Variants in SNX29 observed in about 807,000 individuals in gnomAD.
SNX29 encodes sorting nexin 29.
Under a neutral mutation model 102.1 loss-of-function variants are expected in SNX29, and 78 were observed. The ratio of observed to expected loss-of-function variants is 0.76; its 90% CI spans 0.64 to 0.92. SNX29 has a LOEUF of 0.92. SNX29 is among the 40% of genes least tolerant of loss of function. The probability of loss-of-function intolerance (pLI) is 0.00; values close to 1 mark genes in which losing one functional copy is unlikely to be tolerated. For synonymous variants in SNX29, 580 were observed against 414.5 expected (o/e 1.40, Z -4.85); for missense variants, 1,280 against 1,061.7 (o/e 1.21, Z -2.86).
chr16:12,005,441 C>G (rs543196681), intron 3 of SNX29, among the ~76,000 whole-genome samples: 1 of 152,118 alleles, frequency 6.6e-6, no homozygotes, highest in African/African-American at 2.4e-5. Context: ...ACAGGACTCC[C>G]AGGTGATTCT....
At chr16:12,346,372 C>G (rs1415967424) in intron 15 of SNX29, among the ~76,000 whole-genome samples, 1 of 152,130 alleles carries the variant, frequency 6.6e-6, no homozygotes. Flanking sequence ...GCACCTCTTT[C>G]TTTTATTATT....
Position 12,266,686 on chromosome 16 carries a change from G to GAA in SNX29, c.1679-11232_1679-11231dup, listed in dbSNP as rs59509183. On this transcript the variant is annotated intron_variant, in intron 14 of 20. Transcript: ENST00000566228. ...CATCTGCAATTCCCCATCTATTATT[G>GAA]AAAAAAAAAAAAAAAAGAATATCCC... is the stretch of plus-strand genomic sequence containing the variant. 8.0e-3 allele frequency among the ~76,000 whole-genome samples: 1,042 copies of GAA among 130,906 alleles called. 26 individuals carry two copies. The highest frequency in any genetic ancestry group is 0.011 in the East Asian group (49 of 4,630). The allele number at this position is 130,906 out of a possible 152,430, so 85.9% of individuals were successfully genotyped here.
intron 18 of SNX29, among the ~76,000 whole-genome samples, chr16:12,476,846 T>A (rs758580251): frequency 5.9e-5 from 9 of 152,166 alleles, no homozygotes; most frequent in Non-Finnish European, 1.2e-4. Context: ...AATTTATCAC[T>A]CACATTAGAG....
At chr16:12,025,302 CAAAAAAAAAA>C (rs35724715) in intron 3 of SNX29, among the ~76,000 whole-genome samples, 3 of 60,596 alleles carry the variant, frequency 5.0e-5, no homozygotes, top group Non-Finnish European at 8.5e-5. Context: ...AACTCCATCT[CAAAAAAAAAA>C]AAAAAAAAAA....
At chr16:12,561,090 C>T (rs923844762) in intron 20 of SNX29, 18 of 225,904 alleles carry the variant, frequency 8.0e-5, no homozygotes, top group African/African-American at 3.1e-4. Context: ...GCATAGTTCA[C>T]AGTGGAATTA....
chr16:12,053,042 G>T (rs2050369694), intron 8 of SNX29: 1 of 152,260 alleles, frequency 6.6e-6, no homozygotes, highest in Admixed American at 6.5e-5. Context: ...TGTAATCCCA[G>T]CACTTTGGGA....
chr16:12,175,462 C>T (rs2076238873), intron 13 of SNX29, among the ~76,000 whole-genome samples: 1 of 151,904 alleles, frequency 6.6e-6, no homozygotes. Flanking sequence ...AACCCCTTCT[C>T]TGCTAAAAAT....
intron 20 of SNX29, among the ~76,000 whole-genome samples, chr16:12,555,126 G>C (rs996134462): frequency 4.0e-5 from 6 of 151,632 alleles, no homozygotes; most frequent in Non-Finnish European, 8.8e-5. Context: ...GTATCAAAAG[G>C]CTTATTCTCA....
In SNX29 at chr16:12,572,575, A is replaced by G. The variant is rs893851737; in HGVS notation, c.*3946A>G. 15 of 1,063,944 alleles carry G rather than the reference A, an allele frequency of 1.4e-5. No individual in the cohort carries two copies. The East Asian group carries it at 2.0e-4, about 14-fold the overall frequency. 65.9% of individuals were successfully genotyped at this position (1,063,944 alleles called of 1,614,324 possible). A position where few individuals can be genotyped will look rare whatever the true frequency, so the allele number is the denominator to read the frequency against. On this transcript the variant is annotated 3_prime_UTR_variant, in exon 21 of 21. Coordinates refer to ENST00000566228, the MANE Select transcript of SNX29 (RefSeq NM_032167.5). ...TGGCTCCTCACAGGGAGGTCCAGCC[A>G]TGTTCTCTGGGCTCCCAGTGAGCCC...
intron 13 of SNX29, among the ~76,000 whole-genome samples, chr16:12,142,916 T>TA (rs1348949930): frequency 1.7e-4 from 26 of 152,074 alleles, no homozygotes; most frequent in African/African-American, 6.3e-4. Flanking sequence ...GTGTGAAGCT[T>TA]AGTCAATCAG....
intron 18 of SNX29, among the ~76,000 whole-genome samples, chr16:12,410,360 A>G (rs11861465): frequency 0.078 from 11,903 of 152,070 alleles, 733 homozygotes; most frequent in East Asian, 0.19. Flanking sequence ...GGCCTGAGGA[A>G]TGTTGGTATC....
At chr16:12,397,749 T>A (rs770782998) in intron 16 of SNX29, among the ~76,000 whole-genome samples, 2 of 152,230 alleles carry the variant, frequency 1.3e-5, no homozygotes, top group Non-Finnish European at 2.9e-5. Context: ...TTGTGACAGC[T>A]GTGAGAATCA....
In SNX29 at chr16:12,023,857, AAATGACCGTTT is replaced by A. The variant is rs1596621250; in HGVS notation, c.123-3461_123-3451del. On this transcript the variant is annotated intron_variant, in intron 3 of 20. Transcript: ENST00000566228. ...CACTAGTTTTAACTCACCTGGATTC[AAATGACCGTTT>A]ATACGAAATCTCCTGAGATGCATCT... is the stretch of plus-strand genomic sequence containing the variant. 3.9e-5 allele frequency among the ~76,000 whole-genome samples: 6 copies of A among 152,318 alleles called. No individual in the cohort carries two copies. In the East Asian group the frequency reaches 1.2e-3, roughly 29 times the overall value.
intron 11 of SNX29, among the ~76,000 whole-genome samples, chr16:12,083,975 G>A (rs1328462858): frequency 2.6e-5 from 4 of 152,098 alleles, no homozygotes; most frequent in Non-Finnish European, 5.9e-5. Flanking sequence ...TCCCTCTCAG[G>A]TATCTCTGAA....
At chr16:12,361,858 C>A (rs955637854) in intron 16 of SNX29, among the ~76,000 whole-genome samples, 2 of 151,260 alleles carry the variant, frequency 1.3e-5, no homozygotes, top group Non-Finnish European at 3.0e-5. Context: ...CTTTCTCTTA[C>A]CCCCTGATTT....
At chr16:12,279,055 G>T (rs1397599627) in intron 15 of SNX29, among the ~76,000 whole-genome samples, 1 of 152,226 alleles carries the variant, frequency 6.6e-6, no homozygotes, top group East Asian at 1.9e-4. Context: ...CTATGTTTTT[G>T]ATGAGGTGTG....
chr16:12,454,490 G>A (rs528122657), intron 18 of SNX29, among the ~76,000 whole-genome samples: 33 of 152,302 alleles, frequency 2.2e-4, no homozygotes, highest in Non-Finnish European at 2.8e-4. Context: ...AGCACATGGC[G>A]TTTAGGGACT....
intron 19 of SNX29, among the ~76,000 whole-genome samples, chr16:12,514,694 G>A (rs979012312): frequency 6.6e-6 from 1 of 152,066 alleles, no homozygotes; most frequent in Admixed American, 6.6e-5. Flanking sequence ...GTGAAACCCC[G>A]TCTCTAGTAA....
chr16:12,245,211 A>G (rs535043989), intron 14 of SNX29, among the ~76,000 whole-genome samples: 3 of 152,258 alleles, frequency 2.0e-5, no homozygotes, highest in African/African-American at 7.2e-5. Flanking sequence ...GAATCCTGGC[A>G]TTGCTCCCTA....
Sources: allele counts gnomAD v4.1 joint callset (sites outside exome capture counted in the v4.1 genomes callset), GRCh38; gene constraint gnomAD v4.1.1; transcripts MANE v1.5; gene names NCBI Gene and HGNC (gene_info 2026-07-23, HGNC 2026-07-21).